PPP3CB: variants seen among roughly 807,000 people sequenced by gnomAD.
PPP3CB encodes the protein protein phosphatase 3 catalytic subunit beta.
A neutral mutation model predicts 66.4 loss-of-function variants in PPP3CB; 8 were observed. That is an observed-to-expected ratio of 0.12 (90% CI 0.07 to 0.22). PPP3CB has a LOEUF of 0.22. PPP3CB is among the 10% of genes least tolerant of loss of function. The probability of loss-of-function intolerance (pLI) is 1.00; values close to 1 mark genes in which losing one functional copy is unlikely to be tolerated. For missense variants in PPP3CB, 319 were observed against 642.5 expected, an observed-to-expected ratio of 0.50 and a Z score of 5.44; for synonymous variants, 208 against 221.2, an observed-to-expected ratio of 0.94 and a Z score of 0.53.
chr10:73,476,443 T>TC (rs1360175003), intron 3 of PPP3CB, among the ~76,000 whole-genome samples: 2 of 151,804 alleles, frequency 1.3e-5, no homozygotes, highest in African/African-American at 4.8e-5. Context: ...ATGGCGAAAC[T>TC]CCATCTCTAT....
chr10:73,473,788 G>A (rs575801542), intron 4 of PPP3CB, among the ~76,000 whole-genome samples: 2 of 152,100 alleles, frequency 1.3e-5, no homozygotes, highest in East Asian at 3.9e-4. Context: ...AGAGAAAAGG[G>A]ATAAACATTG....
At chr10:73,458,139 T>C (rs2056460306) in intron 9 of PPP3CB, among the ~76,000 whole-genome samples, 1 of 152,070 alleles carries the variant, frequency 6.6e-6, no homozygotes, top group African/African-American at 2.4e-5. Flanking sequence ...AAAAAAATGT[T>C]TTGTTTTATT....
chr10:73,495,931 TGGGGGCGGGGGC>T lies in PPP3CB; in HGVS notation c.-54_-43del. The T allele has an allele frequency of 1.0e-5, 1 of 99,524 alleles. No homozygotes were observed. The highest frequency in any genetic ancestry group is 1.7e-5 in the Non-Finnish European group (1 of 58,616). 6.2% of individuals were successfully genotyped at this position (99,524 alleles called of 1,614,324 possible). ...GGCTAGGCTCTGGGCCGGGCGGGGT[TGGGGGCGGGGGC>T]GGCGGCTACCAGAGCCAAGCGGCGG... On this transcript the variant is annotated 5_prime_UTR_variant, in exon 1 of 14. Coordinates refer to ENST00000360663, the MANE Select transcript of PPP3CB (RefSeq NM_021132.4).
chr10:73,464,826 G>A (rs1589699915), intron 9 of PPP3CB, among the ~76,000 whole-genome samples: 1 of 151,914 alleles, frequency 6.6e-6, no homozygotes, highest in Non-Finnish European at 1.5e-5. Flanking sequence ...CACTACTCAG[G>A]AGGCTGAGGC....
chr10:73,470,121 G>T (rs1209048089), intron 8 of PPP3CB, among the ~76,000 whole-genome samples: 1 of 152,084 alleles, frequency 6.6e-6, no homozygotes, highest in African/African-American at 2.4e-5. Context: ...GGAACGGAAG[G>T]CAAAGGAAAA....
chr10:73,443,278 A>AAGACAGAC (rs1400166653), intron 12 of PPP3CB, among the ~76,000 whole-genome samples: 2 of 103,286 alleles, frequency 1.9e-5, no homozygotes, highest in Admixed American at 9.9e-5. Context: ...GAAAGAAAGA[A>AAGACAGAC]AGAAAGACAG....
intron 3 of PPP3CB, among the ~76,000 whole-genome samples, chr10:73,476,481 G>C (rs1263584250): frequency 6.6e-6 from 1 of 152,050 alleles, no homozygotes. Flanking sequence ...GCCGGGAGTG[G>C]TGGTGGGCAC....
At chr10:73,458,686 GT>G (rs891977762) in intron 9 of PPP3CB, among the ~76,000 whole-genome samples, 142 of 150,214 alleles carry the variant, frequency 9.5e-4, no homozygotes, top group African/African-American at 3.3e-3. Context: ...CATATGTAAA[GT>G]ATATGTTTAT....
chr10:73,467,453 C>G, intron 9 of PPP3CB, 100 bp downstream of exon 9: 1 of 955,406 alleles, frequency 1.0e-6, no homozygotes, highest in Non-Finnish European at 1.4e-6. Context: ...CACAGTGAAA[C>G]TAGACTTTGG....
intron 10 of PPP3CB, among the ~76,000 whole-genome samples, chr10:73,454,172 C>A (rs2056388452): frequency 6.6e-6 from 1 of 152,160 alleles, no homozygotes; most frequent in African/African-American, 2.4e-5. Flanking sequence ...TCCTTATCTT[C>A]TTTCTTCCAA....
chr10:73,469,926 A>G (rs1178431864), intron 8 of PPP3CB, among the ~76,000 whole-genome samples: 2 of 152,222 alleles, frequency 1.3e-5, no homozygotes, highest in South Asian at 2.1e-4. Flanking sequence ...GCCTCTTAAT[A>G]TCATCTTCCA....
At chr10:73,461,102 C>T (rs1228432026) in intron 9 of PPP3CB, among the ~76,000 whole-genome samples, 6 of 152,192 alleles carry the variant, frequency 3.9e-5, no homozygotes, top group Non-Finnish European at 8.8e-5. Context: ...GCCCACTCAT[C>T]GAAACAGTGT....
At chr10:73,458,614 A>G (rs984401856) in intron 9 of PPP3CB, among the ~76,000 whole-genome samples, 1 of 151,662 alleles carries the variant, frequency 6.6e-6, no homozygotes, top group African/African-American at 2.4e-5. Context: ...CCTGGGCAAC[A>G]TGGCGAAACC....
chr10:73,495,917 G>A lies in PPP3CB; in HGVS notation c.-28C>T. ...TGGGCCCGGGGCTCGGCTAGGCTCTGGGCCGGGCGGGGTTGGGGGCGGGGG... is the reference window on the plus strand; with the variant it reads ...TGGGCCCGGGGCTCGGCTAGGCTCTAGGCCGGGCGGGGTTGGGGGCGGGGG... On this transcript the variant is annotated 5_prime_UTR_variant, in exon 1 of 14. Transcript: ENST00000360663. 7 of 1,143,738 alleles carry A rather than the reference G, an allele frequency of 6.1e-6. No individual in the cohort carries two copies. Among genetic ancestry groups the A allele is most frequent in the Non-Finnish European group, 7.7e-6 (7 of 911,262 alleles). The allele number at this position is 1,143,738 out of a possible 1,614,324, so 70.8% of individuals were successfully genotyped here.
Position 73,479,504 on chromosome 10 carries a change from G to A in PPP3CB, c.99C>T (p.Pro33=), listed in dbSNP as rs543907798. The change falls in exon 2 of 14, where the codon CCC becomes CCT. Residue 33 remains proline, a synonymous_variant. Transcript: ENST00000360663. Reference sequence around the variant, plus strand: ...CTTCAGATGTCAAGCGATGTGTTGGGGGGAAAGGGACAGCTGCAAATGTTT... The same window carrying A: ...CTTCAGATGTCAAGCGATGTGTTGGAGGGAAAGGGACAGCTGCAAATGTTT... ...ADRVVKAVPF[P]PTHRLTSEEV... is the part of the protein sequence containing the mutation. 5 of 1,613,798 alleles carry A rather than the reference G, an allele frequency of 3.1e-6. No homozygotes were observed. The highest frequency in any genetic ancestry group is 1.7e-5 in the Admixed American group (1 of 59,992).
chr10:73,459,051 C>A (rs1234710938), intron 9 of PPP3CB, among the ~76,000 whole-genome samples: 1 of 151,912 alleles, frequency 6.6e-6, no homozygotes, highest in African/African-American at 2.4e-5. Flanking sequence ...GCATGGGCAA[C>A]AAGAGCAAAA....
At chr10:73,474,111 C>T (rs1347642870) in intron 4 of PPP3CB, among the ~76,000 whole-genome samples, 4 of 152,000 alleles carry the variant, frequency 2.6e-5, no homozygotes, top group Non-Finnish European at 5.9e-5. Context: ...GGCGCGATCT[C>T]GGCTCACTGC....
rs1373854516 is a variant in PPP3CB, at chr10:73,471,161, A to G, written c.718T>C (p.Leu240=). The G allele has an allele frequency of 2.5e-6, 4 of 1,610,506 alleles. No individual in the cohort carries two copies. Among genetic ancestry groups the G allele is most frequent in the Non-Finnish European group, 2.5e-6 (3 of 1,176,972 alleles). Reference sequence around the variant, plus strand: ...AAATCTTCAGAAGGATCGGACCATAACAAGTCACACATTGGTCCAAATGCA... The same window carrying G: ...AAATCTTCAGAAGGATCGGACCATAGCAAGTCACACATTGGTCCAAATGCA... ...PPAFGPMCDL[L]WSDPSEDFGN... is the part of the protein sequence containing the mutation. Residue 240 remains leucine, a synonymous_variant, in exon 6 of 14, where the codon TTA becomes CTA. Coordinates refer to ENST00000360663, the MANE Select transcript of PPP3CB (RefSeq NM_021132.4).
intron 10 of PPP3CB, among the ~76,000 whole-genome samples, chr10:73,453,907 G>A (rs1223674571): frequency 1.3e-5 from 2 of 152,088 alleles, no homozygotes; most frequent in African/African-American, 2.4e-5. Context: ...GTATAACTTT[G>A]TTTCTGTGGA....
Sources: allele counts gnomAD v4.1 joint callset (sites outside exome capture counted in the v4.1 genomes callset), GRCh38; gene constraint gnomAD v4.1.1; transcripts MANE v1.5; gene names NCBI Gene and HGNC (gene_info 2026-07-23, HGNC 2026-07-21).